The following NREP variants were observed in gnomAD, a reference collection of about 807,000 sequenced individuals.
The protein encoded by NREP is neuronal regeneration-related protein.
In NREP, 5 loss-of-function variants were observed where a neutral mutation model predicts 8.6. That is an observed-to-expected ratio of 0.58 (90% confidence interval 0.30 to 1.22). The LOEUF (loss-of-function observed/expected upper bound fraction) is 1.22, where lower values mean the gene tolerates loss of function less well. Ranked by LOEUF, NREP falls within the 50% of genes most tolerant of loss-of-function variation. The pLI is 0.07. For synonymous variants in NREP, 27 were observed against 28.0 expected (o/e 0.96, Z 0.11); for missense variants, 86 against 82.5 (o/e 1.04, Z -0.17).
chr5:111,869,368 T>G (rs1753736876), intron 2 of NREP, among the ~76,000 whole-genome samples: 1 of 152,242 alleles, frequency 6.6e-6, no homozygotes, highest in Non-Finnish European at 1.5e-5. Context: ...TATGTAGTTA[T>G]GACCAATTTA....
chr5:111,969,865 G>C (rs1756754254), intron 2 of NREP, among the ~76,000 whole-genome samples: 1 of 152,152 alleles, frequency 6.6e-6, no homozygotes, highest in South Asian at 2.1e-4. Flanking sequence ...TGTGGTACTG[G>C]TGGATTGAGA....
At chr5:111,879,661 A>T (rs1249640419) in intron 2 of NREP, among the ~76,000 whole-genome samples, 2 of 152,200 alleles carry the variant, frequency 1.3e-5, no homozygotes. Context: ...TGCCGTAACG[A>T]TATACCGTAG....
chr5:111,963,424 A>G (rs184737487), intron 2 of NREP, among the ~76,000 whole-genome samples: 14 of 152,370 alleles, frequency 9.2e-5, no homozygotes, highest in Admixed American at 7.8e-4. Flanking sequence ...TTCCACCAAG[A>G]AAGCACAAAA....
intron 2 of NREP, among the ~76,000 whole-genome samples, chr5:111,872,075 C>T (rs986771307): frequency 6.6e-6 from 1 of 151,022 alleles, no homozygotes; most frequent in African/African-American, 2.4e-5. Context: ...TATATACACA[C>T]ACATATATTT....
At chr5:111,961,557 C>T (rs1756480651) in intron 2 of NREP, among the ~76,000 whole-genome samples, 1 of 152,150 alleles carries the variant, frequency 6.6e-6, no homozygotes, top group Non-Finnish European at 1.5e-5. Context: ...CACTCAACTT[C>T]AAAGGGTTTT....
intron 2 of NREP, among the ~76,000 whole-genome samples, chr5:111,961,155 G>A (rs531632974): frequency 9.1e-4 from 139 of 152,264 alleles, no homozygotes; most frequent in African/African-American, 3.3e-3. Flanking sequence ...GGCCACATAA[G>A]TAGTTAGGCC....
At chr5:111,936,816 C>A (rs915193901) in intron 2 of NREP, among the ~76,000 whole-genome samples, 5 of 152,076 alleles carry the variant, frequency 3.3e-5, no homozygotes, top group Non-Finnish European at 5.9e-5. Context: ...TGAGTTAGAA[C>A]TGTACTAATA....
intron 2 of NREP, among the ~76,000 whole-genome samples, chr5:111,945,300 A>G (rs889807564): frequency 2.6e-5 from 4 of 151,790 alleles, no homozygotes; most frequent in African/African-American, 9.7e-5. Context: ...TTTTTATTAT[A>G]CTTTAAGTTT....
At chr5:111,909,270 G>T (rs965438499) in intron 2 of NREP, among the ~76,000 whole-genome samples, 6 of 152,050 alleles carry the variant, frequency 3.9e-5, no homozygotes, top group African/African-American at 1.4e-4. Context: ...CAATGCCAGA[G>T]ATATAAAAAG....
chr5:111,806,812 G>A (rs778101712), intron 2 of NREP, among the ~76,000 whole-genome samples: 25 of 152,086 alleles, frequency 1.6e-4, no homozygotes, highest in Non-Finnish European at 3.2e-4. Context: ...TGGATTAGGT[G>A]ACAGGCCTGA....
intron 2 of NREP, among the ~76,000 whole-genome samples, chr5:111,746,683 G>T (rs994266620): frequency 3.9e-5 from 6 of 152,096 alleles, no homozygotes; most frequent in African/African-American, 1.4e-4. Flanking sequence ...CAAAGAGTAA[G>T]TCCCATTAGT....
chr5:111,925,074 G>T (rs769320047), intron 2 of NREP, among the ~76,000 whole-genome samples: 4 of 152,228 alleles, frequency 2.6e-5, no homozygotes, highest in Non-Finnish European at 4.4e-5. Flanking sequence ...GGGAAGAGGG[G>T]AAGCCTGGAT....
At chr5:111,797,331 A>T (rs2112899669) in intron 2 of NREP, among the ~76,000 whole-genome samples, 1 of 152,262 alleles carries the variant, frequency 6.6e-6, no homozygotes, top group Middle Eastern at 3.4e-3. Flanking sequence ...TTTTGCTTAC[A>T]CTCCAAAATT....
intron 2 of NREP, chr5:111,738,700 T>A (rs1248910662): frequency 6.6e-6 from 1 of 152,108 alleles, no homozygotes; most frequent in Non-Finnish European, 1.5e-5. Context: ...TCCACAAAAA[T>A]TTACTTTTAA....
At chr5:111,943,710 G>T (rs1581239006) in intron 2 of NREP, among the ~76,000 whole-genome samples, 1 of 152,222 alleles carries the variant, frequency 6.6e-6, no homozygotes, top group Non-Finnish European at 1.5e-5. Context: ...TGCCCTCATG[G>T]AGCTTAGAGG....
intron 2 of NREP, among the ~76,000 whole-genome samples, chr5:111,811,492 A>G (rs1752268371): frequency 6.6e-6 from 1 of 152,108 alleles, no homozygotes; most frequent in Admixed American, 6.5e-5. Flanking sequence ...TCATACACAC[A>G]TACACACTCA....
At chr5:111,860,325 AG>A (rs545804471) in intron 2 of NREP, among the ~76,000 whole-genome samples, 83 of 152,230 alleles carry the variant, frequency 5.5e-4, no homozygotes, top group African/African-American at 1.9e-3. Context: ...CATTTCAGCA[AG>A]ATCTGTCATG....
chr5:111,934,432 G>A (rs992379701), intron 2 of NREP, among the ~76,000 whole-genome samples: 1 of 152,060 alleles, frequency 6.6e-6, no homozygotes, highest in African/African-American at 2.4e-5. Flanking sequence ...AATAGGGGAA[G>A]AGGAGGAAAG....
chr5:111,825,974 G>A (rs1228980614), intron 2 of NREP, among the ~76,000 whole-genome samples: 1 of 112,334 alleles, frequency 8.9e-6, no homozygotes, highest in East Asian at 2.9e-4. Flanking sequence ...TTTTTTTTTT[G>A]AGACAGTCTT....
Sources: allele counts gnomAD v4.1 joint callset (sites outside exome capture counted in the v4.1 genomes callset), GRCh38; gene constraint gnomAD v4.1.1; transcripts MANE v1.5; gene names NCBI Gene and HGNC (gene_info 2026-07-23, HGNC 2026-07-21).